MAPK4: variants seen among roughly 807,000 people sequenced by gnomAD.
The protein encoded by MAPK4 is mitogen-activated protein kinase 4.
In MAPK4, 22 loss-of-function variants were observed where a neutral mutation model predicts 47.7. The observed-to-expected ratio is 0.46, with a 90% CI of 0.33 to 0.66. The LOEUF (loss-of-function observed/expected upper bound fraction) is 0.66. Among genes scored for constraint, MAPK4 ranks in the 30% least tolerant of loss-of-function variants. MAPK4 has a pLI of 0.02. For synonymous variants in MAPK4, 390 were observed against 365.7 expected, an observed-to-expected ratio of 1.07 and a Z score of -0.76; for missense variants, 736 against 831.7, an observed-to-expected ratio of 0.88 and a Z score of 1.42.
chr18:50,687,835 C>T lies in MAPK4; in HGVS notation c.546+23331C>T, dbSNP rs143059737. ...TGTGTTGCCACTAGAATGCCGTCAG[C>T]TGCTCCTTTTTGGAGAGATTTAATG... On this transcript the variant is annotated intron_variant, in intron 2 of 5. Transcript: ENST00000400384. 2.0e-4 allele frequency among the ~76,000 whole-genome samples: 31 copies of T among 152,322 alleles called. No homozygotes were observed. In the East Asian group the frequency reaches 5.6e-3, roughly 27 times the overall value.
At chr18:50,562,805 T>G (rs1424816302) in intron 1 of MAPK4, among the ~76,000 whole-genome samples, 1 of 152,208 alleles carries the variant, frequency 6.6e-6, no homozygotes, top group Non-Finnish European at 1.5e-5. Flanking sequence ...GTTCATGAGA[T>G]AAACATGTAA....
chr18:50,717,986 G>T (rs955176382), intron 3 of MAPK4, among the ~76,000 whole-genome samples: 2 of 152,222 alleles, frequency 1.3e-5, no homozygotes, highest in African/African-American at 4.8e-5. Context: ...GAGGCAGGGG[G>T]AGAAAGTCAG....
In MAPK4 at chr18:50,580,114, C is replaced by T. The variant is rs73959973; in HGVS notation, c.-871+19871C>T. On this transcript the variant is annotated intron_variant, in intron 1 of 5. Coordinates refer to ENST00000400384, the MANE Select transcript of MAPK4 (RefSeq NM_002747.4). ...AGCCTAGCAGGGATCTCAGCAGGCT[C>T]CACCTCCCCTGTCATCCCCCTTCCT... 3.5e-3 allele frequency among the ~76,000 whole-genome samples: 528 copies of T among 152,324 alleles called. 6 individuals are homozygous for T. The highest frequency in any genetic ancestry group is 0.012 in the African/African-American group (487 of 41,572).
At chr18:50,581,972 G>C (rs1427626719) in intron 1 of MAPK4, among the ~76,000 whole-genome samples, 1 of 152,140 alleles carries the variant, frequency 6.6e-6, no homozygotes, top group East Asian at 1.9e-4. Context: ...ATGAAGAATA[G>C]GGCAGCTTAA....
At chr18:50,717,359 G>T (rs893727230) in intron 3 of MAPK4, among the ~76,000 whole-genome samples, 2 of 152,174 alleles carry the variant, frequency 1.3e-5, no homozygotes, top group African/African-American at 4.8e-5. Context: ...GATCATGACT[G>T]CAGTGTGGCC....
chr18:50,704,107 G>A (rs1909925746), intron 2 of MAPK4, among the ~76,000 whole-genome samples: 1 of 151,990 alleles, frequency 6.6e-6, no homozygotes, highest in Non-Finnish European at 1.5e-5. Context: ...AGCTCTCTAG[G>A]GCCCATTCCA....
chr18:50,629,478 G>T (rs1568052585), intron 1 of MAPK4: 2 of 152,272 alleles, frequency 1.3e-5, no homozygotes, highest in Non-Finnish European at 2.9e-5. Flanking sequence ...GGAGCACTCT[G>T]TGGGAGAGGA....
At chr18:50,577,589 G>GCAGGGTTACCTTGTGCAC (rs2042309079) in intron 1 of MAPK4, among the ~76,000 whole-genome samples, 1 of 152,148 alleles carries the variant, frequency 6.6e-6, no homozygotes. Context: ...ATTACCTTGT[G>GCAGGGTTACCTTGTGCAC]CAGGGTTACC....
intron 3 of MAPK4, among the ~76,000 whole-genome samples, chr18:50,717,025 T>C (rs1910675333): frequency 6.6e-6 from 1 of 152,170 alleles, no homozygotes; most frequent in Non-Finnish European, 1.5e-5. Flanking sequence ...TCCCCCACAC[T>C]GAGGCTGTTG....
intron 1 of MAPK4, among the ~76,000 whole-genome samples, chr18:50,636,548 A>T (rs2042890620): frequency 6.6e-6 from 1 of 152,232 alleles, no homozygotes; most frequent in African/African-American, 2.4e-5. Context: ...CTCCTGCATG[A>T]GACCCATGGG....
At chr18:50,723,432 A>C (rs1464946069) in intron 4 of MAPK4, among the ~76,000 whole-genome samples, 1 of 152,218 alleles carries the variant, frequency 6.6e-6, no homozygotes, top group Non-Finnish European at 1.5e-5. Flanking sequence ...TGGATGTCAC[A>C]TGGGACATGA....
intron 1 of MAPK4, among the ~76,000 whole-genome samples, chr18:50,572,867 A>T (rs2042261919): frequency 6.6e-6 from 1 of 152,230 alleles, no homozygotes; most frequent in African/African-American, 2.4e-5. Context: ...TTTAATTATC[A>T]CCACCAAAAG....
intron 4 of MAPK4, among the ~76,000 whole-genome samples, chr18:50,724,503 C>T (rs1911092023): frequency 6.6e-6 from 1 of 152,214 alleles, no homozygotes; most frequent in African/African-American, 2.4e-5. Context: ...GAAGCTGGGC[C>T]CCGCACTAGA....
chr18:50,571,628 G>A (rs1221499042), intron 1 of MAPK4, among the ~76,000 whole-genome samples: 2 of 152,284 alleles, frequency 1.3e-5, no homozygotes, highest in East Asian at 3.9e-4. Context: ...TTTCTAAAGA[G>A]ATATAGTTAT....
intron 1 of MAPK4, among the ~76,000 whole-genome samples, chr18:50,567,378 A>G (rs766076899): frequency 1.3e-5 from 2 of 152,194 alleles, no homozygotes; most frequent in Non-Finnish European, 2.9e-5. Flanking sequence ...ACATTTTGCT[A>G]TTAGTGAACA....
intron 1 of MAPK4, among the ~76,000 whole-genome samples, chr18:50,649,889 A>C (rs1048300070): frequency 3.3e-5 from 5 of 152,166 alleles, no homozygotes; most frequent in African/African-American, 1.2e-4. Flanking sequence ...CCTGAGGTTC[A>C]TTTATCTGGA....
chr18:50,645,615 G>T (rs979254184), intron 1 of MAPK4, among the ~76,000 whole-genome samples: 6 of 152,180 alleles, frequency 3.9e-5, no homozygotes, highest in African/African-American at 1.4e-4. Flanking sequence ...AAACAGAGCC[G>T]GAGAAGGGCA....
At chr18:50,683,496 T>C (rs556635320) in intron 2 of MAPK4, among the ~76,000 whole-genome samples, 27 of 136,690 alleles carry the variant, frequency 2.0e-4, no homozygotes, top group African/African-American at 7.3e-4. Context: ...GTGTGTAAAC[T>C]TACCAAAATA....
chr18:50,729,407 C>A lies in MAPK4; in HGVS notation c.1317C>A (p.Asp439Glu), dbSNP rs201371342. Reference protein sequence around the residue: ...DYKVGSPSYLDKLLWRDNKPH... With the variant: ...DYKVGSPSYLEKLLWRDNKPH... ...AGGTGGGGTCGCCGTCCTACCTGGA[C>A]AAGCTGCTGTGGCGCGACAACAAGC... is the stretch of plus-strand genomic sequence containing the variant. The change falls in exon 6 of 6, where the codon GAC becomes GAA. Residue 439 changes from aspartate to glutamate, a missense_variant. Physicochemically the swap from Asp to Glu is conservative, Grantham distance 45 (BLOSUM62 2). Coordinates refer to ENST00000400384, the MANE Select transcript of MAPK4 (RefSeq NM_002747.4). 314 of 1,559,016 alleles carry A rather than the reference C, an allele frequency of 2.0e-4. 1 individual carries two copies. The highest frequency in any genetic ancestry group is 2.0e-3 in the South Asian group (168 of 85,840).
Sources: allele counts gnomAD v4.1 joint callset (sites outside exome capture counted in the v4.1 genomes callset), GRCh38; gene constraint gnomAD v4.1.1; transcripts MANE v1.5; gene names NCBI Gene and HGNC (gene_info 2026-07-23, HGNC 2026-07-21).